Variants in ATP8A2 observed in about 807,000 individuals in gnomAD.
ATP8A2 encodes the protein phospholipid-transporting ATPase IB.
ATP8A2 carries 100 observed loss-of-function variants against 165.6 expected under a neutral mutation model. The ratio of observed to expected loss-of-function variants is 0.60; its 90% CI spans 0.51 to 0.71. ATP8A2 has a LOEUF of 0.71. Ranked by LOEUF, ATP8A2 falls within the 30% of genes least tolerant of loss-of-function variation. ATP8A2 has a pLI of 0.00. For synonymous variants in ATP8A2, 543 were observed against 548.8 expected, an observed-to-expected ratio of 0.99 and a Z score of 0.15; for missense variants, 1,227 against 1,479.5, an observed-to-expected ratio of 0.83 and a Z score of 2.80.
chr13:25,507,595 A>T (rs1282532867), intron 2 of ATP8A2, among the ~76,000 whole-genome samples: 2 of 152,176 alleles, frequency 1.3e-5, no homozygotes, highest in African/African-American at 4.8e-5. Flanking sequence ...ATAAGTGGCT[A>T]TGTGTCAGGA....
At position 25,378,943 on chromosome 13, in the gene ATP8A2, G is replaced by A. The variant is rs866086070; in HGVS notation, c.76+6655G>A. 1.1e-4 allele frequency among the ~76,000 whole-genome samples: 17 copies of A among 152,276 alleles called. No homozygotes were observed. In the South Asian group the frequency reaches 3.5e-3, roughly 32 times the overall value. ...TTACGGATCCTCACACCATCCCTCT[G>A]AGAAATATATTATTATTGCCTCCCA... On this transcript the variant is annotated intron_variant, in intron 1 of 36. Coordinates refer to ENST00000381655, the MANE Select transcript of ATP8A2 (RefSeq NM_016529.6).
At chr13:25,690,158 CCT>C (rs2042692772) in intron 24 of ATP8A2, among the ~76,000 whole-genome samples, 2 of 151,364 alleles carry the variant, frequency 1.3e-5, no homozygotes, top group South Asian at 4.2e-4. Flanking sequence ...CGATTTGAGC[CCT>C]GTCACAACTG....
chr13:25,648,147 T>C (rs1352434624), intron 24 of ATP8A2, among the ~76,000 whole-genome samples: 1 of 152,198 alleles, frequency 6.6e-6, no homozygotes, highest in Non-Finnish European at 1.5e-5. Context: ...AATTTCAAAG[T>C]TCTGTCTTTA....
intron 1 of ATP8A2, among the ~76,000 whole-genome samples, chr13:25,437,981 T>C (rs1239209889): frequency 6.6e-6 from 1 of 152,228 alleles, no homozygotes; most frequent in Non-Finnish European, 1.5e-5. Context: ...AAACAACCTT[T>C]AGAAAACAAC....
chr13:25,985,211 G>A (rs1200439644), intron 35 of ATP8A2, among the ~76,000 whole-genome samples: 2 of 152,100 alleles, frequency 1.3e-5, no homozygotes, highest in Non-Finnish European at 2.9e-5. Flanking sequence ...TTACAAGAAT[G>A]GAAAAGAGAA....
chr13:25,471,353 G>GT (rs1295573875), intron 2 of ATP8A2, among the ~76,000 whole-genome samples: 2,039 of 143,776 alleles, frequency 0.014, 36 homozygotes, highest in African/African-American at 0.038. Flanking sequence ...GGAAGGTAAA[G>GT]TTTTTTTTTT....
intron 1 of ATP8A2, among the ~76,000 whole-genome samples, chr13:25,434,317 C>G (rs2034694823): frequency 6.6e-6 from 1 of 151,938 alleles, no homozygotes; most frequent in Non-Finnish European, 1.5e-5. Context: ...GCATGAGCCT[C>G]TTTTTCTTAT....
intron 2 of ATP8A2, 50 bp downstream of exon 2, chr13:25,469,171 G>A (rs1453619371): frequency 6.3e-7 from 1 of 1,597,398 alleles, no homozygotes; most frequent in Non-Finnish European, 8.5e-7. Flanking sequence ...TCACAGCTGG[G>A]AAGGGGCTCG....
chr13:25,817,353 G>C (rs12584128), intron 27 of ATP8A2, among the ~76,000 whole-genome samples: 3,433 of 74,530 alleles, frequency 0.046, 130 homozygotes, highest in East Asian at 0.26. Context: ...TCTTTTATGG[G>C]GGGGGGGGGA....
chr13:25,507,424 C>A (rs1405331041), intron 2 of ATP8A2, among the ~76,000 whole-genome samples: 1 of 152,010 alleles, frequency 6.6e-6, no homozygotes, highest in African/African-American at 2.4e-5. Context: ...TGCCACCATG[C>A]CTGGCTAATT....
At position 25,765,993 on chromosome 13, in the gene ATP8A2, G is replaced by A. The variant is rs217885; in HGVS notation, c.2385-3053G>A. Among the ~76,000 whole-genome samples the A allele has an allele frequency of 4.4e-3, 665 of 152,244 alleles. 4 individuals are homozygous for A. The highest frequency in any genetic ancestry group is 0.015 in the African/African-American group (641 of 41,524). ...CCACCTTGAATTTGCTGATGGAGAG[G>A]CCAGCTTTCTTGATCAGTTGGGTGA... is the stretch of plus-strand genomic sequence containing the variant. On this transcript the variant is annotated intron_variant, in intron 25 of 36. Transcript: ENST00000381655.
chr13:25,512,039 G>A (rs1166853910), intron 2 of ATP8A2, among the ~76,000 whole-genome samples: 5 of 151,844 alleles, frequency 3.3e-5, no homozygotes, highest in African/African-American at 9.7e-5. Context: ...GCGGCCTTCC[G>A]CAGTGTTTGT....
At chr13:25,758,498 T>C (rs2044311379) in intron 25 of ATP8A2, among the ~76,000 whole-genome samples, 1 of 152,204 alleles carries the variant, frequency 6.6e-6, no homozygotes, top group Admixed American at 6.5e-5. Flanking sequence ...ATTAATCAAT[T>C]AGAAAAGCAA....
At chr13:25,545,703 T>TGGCTCAC (rs2038628373) in intron 10 of ATP8A2, among the ~76,000 whole-genome samples, 2 of 152,096 alleles carry the variant, frequency 1.3e-5, no homozygotes, top group Non-Finnish European at 2.9e-5. Flanking sequence ...GGCGCGATCT[T>TGGCTCAC]GGCTCACTGC....
Position 25,953,617 on chromosome 13 carries a change from ACAG to A in ATP8A2, c.3184-7956_3184-7954del, listed in dbSNP as rs1955437896. On this transcript the variant is annotated intron_variant, in intron 33 of 36. Coordinates refer to ENST00000381655, the MANE Select transcript of ATP8A2 (RefSeq NM_016529.6). The surrounding 1 kb of genome is among the most constrained non-coding windows in gnomAD (Gnocchi z 6.7). The stretch of plus-strand genomic sequence containing the variant: ...GTAGCTCCCAGGGAGATCAAGGCAG[ACAG>A]CGAGTGATTTCTGCATTTCCAGCTG... 6.6e-6 allele frequency among the ~76,000 whole-genome samples: 1 copy of A among 151,612 alleles called. No individual in the cohort carries two copies. The highest frequency in any genetic ancestry group is 2.4e-5 in the African/African-American group (1 of 41,184).
chr13:25,980,569 C>G (rs1054705094), intron 35 of ATP8A2, among the ~76,000 whole-genome samples: 4 of 152,030 alleles, frequency 2.6e-5, no homozygotes, highest in Non-Finnish European at 5.9e-5. Context: ...TGAGCAGGGT[C>G]CTAGGGCATT....
intron 12 of ATP8A2, 90 bp downstream of exon 12, chr13:25,554,010 T>A: frequency 7.3e-7 from 1 of 1,377,002 alleles, no homozygotes; most frequent in Non-Finnish European, 1.0e-6. Context: ...AGAAGAACTA[T>A]ATTCATTTAC....
At chr13:25,701,242 C>A (rs868047524) in intron 25 of ATP8A2, among the ~76,000 whole-genome samples, 2 of 152,142 alleles carry the variant, frequency 1.3e-5, no homozygotes, top group South Asian at 4.1e-4. Flanking sequence ...CTAATGAGCT[C>A]TCTTTTTAAA....
chr13:25,591,104 C>T, intron 24 of ATP8A2: 1 of 331,130 alleles, frequency 3.0e-6, no homozygotes, highest in South Asian at 2.4e-5. Flanking sequence ...TTATTTTTCT[C>T]CATGGAACCT....
Sources: gnomAD v4.1 joint callset for allele counts (sites outside exome capture counted in the v4.1 genomes callset) on GRCh38, gnomAD v4.1.1 for gene constraint, Gnocchi (gnomAD v3.1) non-coding constraint, MANE v1.5 for transcripts, NCBI Gene and HGNC (gene_info 2026-07-23, HGNC 2026-07-21) for gene names.